RPS6KA6: variants seen among roughly 807,000 people sequenced by gnomAD.
RPS6KA6 encodes the protein ribosomal protein S6 kinase A6.
RPS6KA6 carries 27 observed loss-of-function variants against 65.4 expected under a neutral mutation model. The ratio of observed to expected loss-of-function variants is 0.41; its 90% CI spans 0.30 to 0.57. The LOEUF (loss-of-function observed/expected upper bound fraction) is 0.57, where lower values mean the gene tolerates loss of function less well. Ranked by LOEUF, RPS6KA6 falls within the 20% of genes least tolerant of loss-of-function variation. The pLI is 0.24. For missense variants in RPS6KA6, 486 were observed against 555.6 expected (o/e 0.87, Z 1.26); for synonymous variants, 190 against 184.2 (o/e 1.03, Z -0.26).
At chrX:84,110,404 C>G (rs1044382227) in intron 12 of RPS6KA6, among the ~76,000 whole-genome samples, 2 of 112,048 alleles carry the variant, frequency 1.8e-5, no homozygotes, top group South Asian at 7.4e-4. Context: ...TTCCCCTCAC[C>G]CCTCATGGGA....
intron 1 of RPS6KA6, among the ~76,000 whole-genome samples, chrX:84,167,173 C>T (rs1393658527): frequency 2.7e-5 from 3 of 111,376 alleles, no homozygotes; most frequent in African/African-American, 9.8e-5. Flanking sequence ...GCAGATTTCT[C>T]GTAAGAAATC....
At chrX:84,140,883 T>C (rs1396715346) in intron 6 of RPS6KA6, among the ~76,000 whole-genome samples, 1 of 109,116 alleles carries the variant, frequency 9.2e-6, no homozygotes, top group Non-Finnish European at 1.9e-5. Flanking sequence ...AGATAGCTCC[T>C]CTTCCCAAAA....
At chrX:84,174,404 G>C (rs1358588934) in intron 1 of RPS6KA6, among the ~76,000 whole-genome samples, 1 of 111,335 alleles carries the variant, frequency 9.0e-6, no homozygotes, top group Admixed American at 9.6e-5. Flanking sequence ...TTAAGAAAGG[G>C]CAATTATGTT....
At chrX:84,090,481 C>T (rs1291521463) in intron 20 of RPS6KA6, among the ~76,000 whole-genome samples, 1 of 104,021 alleles carries the variant, frequency 9.6e-6, no homozygotes, top group African/African-American at 3.3e-5. Flanking sequence ...CATTCTCACA[C>T]TGCTATGAAG....
intron 20 of RPS6KA6, among the ~76,000 whole-genome samples, chrX:84,091,691 G>T (rs2034047685): frequency 8.9e-6 from 1 of 111,735 alleles, no homozygotes; most frequent in Non-Finnish European, 1.9e-5. Flanking sequence ...CCATTACAGG[G>T]TATATACCCA....
chrX:84,065,992 G>A (rs777145839), intron 20 of RPS6KA6, among the ~76,000 whole-genome samples: 29 of 110,821 alleles, frequency 2.6e-4, no homozygotes, highest in Middle Eastern at 4.6e-3. Flanking sequence ...GTGGGGCATC[G>A]CCCAACATGA....
At chrX:84,090,520 G>C (rs2034022631) in intron 20 of RPS6KA6, among the ~76,000 whole-genome samples, 1 of 111,959 alleles carries the variant, frequency 8.9e-6, no homozygotes, top group Admixed American at 9.5e-5. Context: ...AATGTATAAA[G>C]AGGTTTAATT....
intron 2 of RPS6KA6, among the ~76,000 whole-genome samples, chrX:84,161,342 T>C (rs1219596552): frequency 1.8e-5 from 2 of 111,788 alleles, no homozygotes; most frequent in African/African-American, 6.5e-5. Context: ...TATCTTTGCA[T>C]ACCTGATGGT....
At chrX:84,147,105 C>A in intron 4 of RPS6KA6, 47 bp from the exon 5 acceptor site, 1 of 683,488 alleles carries the variant, frequency 1.5e-6, no homozygotes, top group Non-Finnish European at 2.2e-6. Flanking sequence ...TACATCATTT[C>A]AGTTAAGAGT....
intron 2 of RPS6KA6, among the ~76,000 whole-genome samples, chrX:84,160,158 T>A (rs1889067656): frequency 9.0e-6 from 1 of 111,393 alleles, no homozygotes; most frequent in African/African-American, 3.3e-5. Flanking sequence ...CTACATCAAA[T>A]AAAAAATCTG....
chrX:84,132,935 A>AT (rs1328017580), intron 8 of RPS6KA6, among the ~76,000 whole-genome samples: 2 of 110,472 alleles, frequency 1.8e-5, no homozygotes, highest in Admixed American at 9.7e-5. Context: ...AAGTATTGCC[A>AT]TTCTCCTGCA....
At chrX:84,164,986 T>C (rs1412031004) in intron 1 of RPS6KA6, among the ~76,000 whole-genome samples, 1 of 111,591 alleles carries the variant, frequency 9.0e-6, no homozygotes. Context: ...ATCAAGGTTC[T>C]ACAAACTATA....
At chrX:84,069,412 C>T (rs1327040255) in intron 20 of RPS6KA6, among the ~76,000 whole-genome samples, 1 of 111,847 alleles carries the variant, frequency 8.9e-6, no homozygotes, top group African/African-American at 3.3e-5. Context: ...TAAAAATTAA[C>T]TCAAGGTGGA....
rs755034611 is a variant in RPS6KA6 at position 84,089,582 on chromosome X, G to A, written c.1971+6612C>T. Reference sequence around the variant, plus strand: ...TCACAGCTCTGTATATTGAACCAAAGGCCCTGGTGGCATGGGCTCATGAGG... The same window carrying A: ...TCACAGCTCTGTATATTGAACCAAAAGCCCTGGTGGCATGGGCTCATGAGG... On this transcript the variant is annotated intron_variant, in intron 20 of 21. Transcript: ENST00000262752. Among the ~76,000 whole-genome samples, 27 of 110,748 alleles carry A rather than the reference G, an allele frequency of 2.4e-4. 4 individuals carry two copies. Among genetic ancestry groups the A allele is most frequent in the Admixed American group, 1.9e-3 (20 of 10,444 alleles).
intron 3 of RPS6KA6, among the ~76,000 whole-genome samples, chrX:84,153,479 C>G (rs1402872456): frequency 1.8e-5 from 2 of 111,334 alleles, no homozygotes; most frequent in East Asian, 5.6e-4. Flanking sequence ...TGTATATGCA[C>G]CTTTCATGAT....
chrX:84,083,424 G>A (rs193167068), intron 20 of RPS6KA6, among the ~76,000 whole-genome samples: 17 of 112,142 alleles, frequency 1.5e-4, no homozygotes, highest in East Asian at 5.6e-4. Flanking sequence ...GTTGTTCTCC[G>A]ACATGTGTCC....
At chrX:84,163,056 C>T (rs888881906) in intron 2 of RPS6KA6, among the ~76,000 whole-genome samples, 3 of 111,772 alleles carry the variant, frequency 2.7e-5, no homozygotes, top group African/African-American at 9.7e-5. Flanking sequence ...AATCCCTCTG[C>T]TGGTTTCTAT....
At chrX:84,113,624 T>TA (rs34082541) in intron 12 of RPS6KA6, among the ~76,000 whole-genome samples, 1 of 111,446 alleles carries the variant, frequency 9.0e-6, no homozygotes, top group African/African-American at 3.3e-5. Context: ...CACTTGATGA[T>TA]AAAAACCCTC....
intron 8 of RPS6KA6, among the ~76,000 whole-genome samples, chrX:84,126,875 A>C (rs1179802254): frequency 9.1e-6 from 1 of 109,315 alleles, no homozygotes; most frequent in Non-Finnish European, 1.9e-5. Flanking sequence ...TATAGCTGAA[A>C]GTGCTTACAT....
Sources: gnomAD v4.1 joint callset for allele counts (sites outside exome capture counted in the v4.1 genomes callset) on GRCh38, gnomAD v4.1.1 for gene constraint, MANE v1.5 for transcripts, NCBI Gene and HGNC (gene_info 2026-07-23, HGNC 2026-07-21) for gene names.